RBFOX3: variants seen among roughly 807,000 people sequenced by gnomAD.
RBFOX3 encodes RNA binding protein fox-1 homolog 3.
Under a neutral mutation model 48.7 loss-of-function variants are expected in RBFOX3, and 17 were observed. The ratio of observed to expected loss-of-function variants is 0.35; its 90% CI spans 0.24 to 0.52. The LOEUF (loss-of-function observed/expected upper bound fraction) is 0.52. RBFOX3 is among the 20% of genes least tolerant of loss of function. RBFOX3 has a pLI of 0.94. For missense variants in RBFOX3, 382 were observed against 497.5 expected (o/e 0.77, Z 2.21); for synonymous variants, 212 against 209.5 (o/e 1.01, Z -0.10).
upstream of RBFOX3, among the ~76,000 whole-genome samples, chr17:79,612,661 C>T (rs2145589235): frequency 6.6e-6 from 1 of 152,374 alleles, no homozygotes; most frequent in South Asian, 2.1e-4. Context: ...CAGATAAATG[C>T]CGTGTCTACG....
chr17:79,487,207 A>C (rs1318632955), intron 1 of RBFOX3, among the ~76,000 whole-genome samples: 3 of 152,200 alleles, frequency 2.0e-5, no homozygotes, highest in Non-Finnish European at 4.4e-5. Context: ...GCTGGAGCAG[A>C]AGCCACAGGC....
At chr17:79,141,122 G>A (rs543107062) in intron 4 of RBFOX3, among the ~76,000 whole-genome samples, 10 of 152,354 alleles carry the variant, frequency 6.6e-5, no homozygotes, top group South Asian at 2.1e-4. Flanking sequence ...CGTGGCTCAC[G>A]CGGCTGTCGA....
At position 79,482,519 on chromosome 17, in the gene RBFOX3, G is replaced by A; in HGVS notation, c.-240C>T. 1 of 152,400 alleles carries A rather than the reference G, an allele frequency of 6.6e-6. No individual in the cohort carries two copies. 9.4% of individuals were successfully genotyped at this position (152,400 alleles called of 1,614,324 possible). A position where few individuals can be genotyped will look rare whatever the true frequency, so the allele number is the denominator to read the frequency against. ...GCCCCAGTGGGGCTCCTTCTGGACC[G>A]TCCTTGGCAAGGAGGGGGCTGCTGG... is the stretch of plus-strand genomic sequence containing the variant. On this transcript the variant is annotated 5_prime_UTR_variant, in exon 2 of 15. In the 5' UTR this introduces an upstream ATG that the reference lacks. Coordinates refer to ENST00000693108, the MANE Select transcript of RBFOX3 (RefSeq NM_001350451.2). The surrounding 1 kb of genome is among the most constrained non-coding windows in gnomAD (Gnocchi z 4.1).
At chr17:79,652,041 A>G in the RBFOX3 span, among the ~76,000 whole-genome samples, 1 of 151,762 alleles carries the variant, frequency 6.6e-6, no homozygotes, top group African/African-American at 2.4e-5. Context: ...TATTGACTGC[A>G]AATTCACGAC....
chr17:79,461,161 T>C (rs911672507), intron 2 of RBFOX3, among the ~76,000 whole-genome samples: 2 of 152,220 alleles, frequency 1.3e-5, no homozygotes, highest in African/African-American at 4.8e-5. Flanking sequence ...GGGTACACAT[T>C]ACATTCATCT....
At chr17:79,164,138 G>A (rs760097752) in intron 4 of RBFOX3, among the ~76,000 whole-genome samples, 59 of 152,310 alleles carry the variant, frequency 3.9e-4, no homozygotes, top group South Asian at 1.7e-3. Context: ...GGGAGGGAAA[G>A]AATGGGCCAA....
chr17:79,416,986 C>T (rs2065475043), intron 2 of RBFOX3, among the ~76,000 whole-genome samples: 2 of 152,186 alleles, frequency 1.3e-5, no homozygotes, highest in Admixed American at 1.3e-4. Context: ...CCCCAGGCCC[C>T]TTGGCATGGT....
intron 2 of RBFOX3, among the ~76,000 whole-genome samples, chr17:79,440,930 A>T (rs782808191): frequency 7.2e-4 from 109 of 152,176 alleles, no homozygotes; most frequent in Non-Finnish European, 1.5e-3. Context: ...CAGCCCTCGC[A>T]CGGTGAGTCG....
the RBFOX3 span, among the ~76,000 whole-genome samples, chr17:79,649,517 C>A: frequency 6.6e-6 from 1 of 152,178 alleles, no homozygotes; most frequent in East Asian, 1.9e-4. Context: ...ACCAGCCTGG[C>A]CAATGTGGTG....
At chr17:79,557,740 G>A (rs1002578704) in intron 1 of RBFOX3, among the ~76,000 whole-genome samples, 9 of 152,208 alleles carry the variant, frequency 5.9e-5, no homozygotes, top group Admixed American at 4.6e-4. Flanking sequence ...AAAGGCTAAC[G>A]GCAGATGTCA....
At chr17:79,138,107 T>A (rs1300627818) in intron 4 of RBFOX3, among the ~76,000 whole-genome samples, 1 of 152,002 alleles carries the variant, frequency 6.6e-6, no homozygotes, top group Non-Finnish European at 1.5e-5. Context: ...GCAGGTCTGA[T>A]CTGCAGCTGG....
In RBFOX3 at chr17:79,291,590, G is replaced by T. The variant is rs1036552110; in HGVS notation, c.-74+16134C>A. Among the ~76,000 whole-genome samples, 32 of 152,326 alleles carry T rather than the reference G, an allele frequency of 2.1e-4. 1 individual carries two copies. Among genetic ancestry groups the T allele is most frequent in the African/African-American group, 7.2e-4 (30 of 41,570 alleles). The stretch of plus-strand genomic sequence containing the variant: ...ATGCATCCACCCCTTGAGCCTCACA[G>T]TCCCTTATTGCATCAGTAACAGGGT... On this transcript the variant is annotated intron_variant, in intron 3 of 14. Transcript: ENST00000693108.
chr17:79,602,187 C>A (rs2093720554), intron 1 of RBFOX3: 1 of 152,210 alleles, frequency 6.6e-6, no homozygotes, highest in African/African-American at 2.4e-5. Context: ...GTAACAGGCT[C>A]CCCCATCAAA....
intron 1 of RBFOX3, among the ~76,000 whole-genome samples, chr17:79,575,947 G>A (rs968293678): frequency 2.0e-5 from 3 of 152,256 alleles, no homozygotes; most frequent in Non-Finnish European, 4.4e-5. Flanking sequence ...AGCTTGGAGG[G>A]ATGCTGTGCT....
At chr17:79,383,212 G>A (rs2060155287) in intron 2 of RBFOX3, among the ~76,000 whole-genome samples, 1 of 152,192 alleles carries the variant, frequency 6.6e-6, no homozygotes, top group Admixed American at 6.5e-5. Context: ...ACATCACACA[G>A]CCTGCCTGGG....
At chr17:79,366,476 C>T (rs1389316460) in intron 2 of RBFOX3, among the ~76,000 whole-genome samples, 4 of 152,180 alleles carry the variant, frequency 2.6e-5, no homozygotes, top group African/African-American at 4.8e-5. Context: ...TATATTATGC[C>T]GGCGCCACGT....
At chr17:79,309,854 C>T (rs758812515) in intron 2 of RBFOX3, among the ~76,000 whole-genome samples, 20 of 152,194 alleles carry the variant, frequency 1.3e-4, no homozygotes, top group Non-Finnish European at 1.8e-4. Context: ...TTCCCCTTCG[C>T]CTTCCGCCAC....
At chr17:79,375,583 G>A (rs975002377) in intron 2 of RBFOX3, among the ~76,000 whole-genome samples, 2 of 152,184 alleles carry the variant, frequency 1.3e-5, no homozygotes, top group Admixed American at 1.3e-4. Context: ...AACTCAGGGT[G>A]GGACACACAG....
chr17:79,580,104 T>C (rs1056045282), intron 1 of RBFOX3, among the ~76,000 whole-genome samples: 3 of 151,996 alleles, frequency 2.0e-5, no homozygotes, highest in Non-Finnish European at 2.9e-5. Flanking sequence ...CTCTGAGAAC[T>C]TGGCATCCCA....
Sources: gnomAD v4.1 joint callset for allele counts (sites outside exome capture counted in the v4.1 genomes callset) on GRCh38, gnomAD v4.1.1 for gene constraint, Gnocchi (gnomAD v3.1) non-coding constraint, MANE v1.5 for transcripts, NCBI Gene and HGNC (gene_info 2026-07-23, HGNC 2026-07-21) for gene names.